ACTN2: variants seen among roughly 807,000 people sequenced by gnomAD.
ACTN2 encodes the protein alpha-actinin-2.
Under a neutral mutation model 113.8 loss-of-function variants are expected in ACTN2, and 39 were observed. The observed-to-expected ratio is 0.34, with a 90% CI of 0.27 to 0.45. The LOEUF (loss-of-function observed/expected upper bound fraction) is 0.45, where lower values mean the gene tolerates loss of function less well. Among genes scored for constraint, ACTN2 ranks in the 20% least tolerant of loss-of-function variants. The probability of loss-of-function intolerance (pLI) is 1.00; values close to 1 mark genes in which losing one functional copy is unlikely to be tolerated. For missense variants in ACTN2, 992 were observed against 1,177.9 expected, an observed-to-expected ratio of 0.84 and a Z score of 2.31; for synonymous variants, 429 against 444.1, an observed-to-expected ratio of 0.97 and a Z score of 0.43.
At chr1:236,693,950 T>C (rs540866632) in intron 1 of ACTN2, among the ~76,000 whole-genome samples, 1 of 152,306 alleles carries the variant, frequency 6.6e-6, no homozygotes, top group East Asian at 1.9e-4. Flanking sequence ...CCAGTATCCC[T>C]GCTGCAGGTT....
At chr1:236,706,830 G>T (rs1199627446) in intron 1 of ACTN2, among the ~76,000 whole-genome samples, 2 of 152,204 alleles carry the variant, frequency 1.3e-5, no homozygotes, top group East Asian at 1.9e-4. Flanking sequence ...ACAGGTACAA[G>T]CTCTGTGTGT....
chr1:236,691,581 G>A (rs1666083507), intron 1 of ACTN2, among the ~76,000 whole-genome samples: 1 of 151,878 alleles, frequency 6.6e-6, no homozygotes, highest in Non-Finnish European at 1.5e-5. Context: ...GGAGTTTGAG[G>A]TTGCCGTGAG....
At chr1:236,698,056 G>T (rs1399015398) in intron 1 of ACTN2, among the ~76,000 whole-genome samples, 1 of 150,948 alleles carries the variant, frequency 6.6e-6, no homozygotes, top group African/African-American at 2.4e-5. Context: ...TTACAGGCGT[G>T]AGCCACCGCA....
At chr1:236,742,043 G>A (rs138229723) in intron 10 of ACTN2, among the ~76,000 whole-genome samples, 11 of 152,080 alleles carry the variant, frequency 7.2e-5, no homozygotes, top group Admixed American at 3.3e-4. Context: ...AGGAGCCCTC[G>A]TTTCCTACTT....
In ACTN2 at chr1:236,743,114, C is replaced by G. The variant is rs944701807; in HGVS notation, c.1255+71C>G. ...AGCCATGCCCAGAGCCATGATGCAT[C>G]CTTACTAACTCTGTGCCTAATGTCT... is the stretch of plus-strand genomic sequence containing the variant. On this transcript the variant is annotated intron_variant, in intron 11 of 20. Transcript: ENST00000366578. The G allele has an allele frequency of 3.2e-6, 5 of 1,555,828 alleles. No homozygotes were observed. The African/African-American group carries it at 5.4e-5, about 17-fold the overall frequency.
chr1:236,715,978 A>G (rs893897084), intron 1 of ACTN2, among the ~76,000 whole-genome samples: 2 of 152,110 alleles, frequency 1.3e-5, no homozygotes, highest in African/African-American at 4.8e-5. Flanking sequence ...ATAAAAATAA[A>G]TAAAGTGGAT....
At chr1:236,737,873 C>T (rs1315308528) in intron 9 of ACTN2, among the ~76,000 whole-genome samples, 2 of 152,218 alleles carry the variant, frequency 1.3e-5, no homozygotes, top group African/African-American at 4.8e-5. Flanking sequence ...ATCCTCGCTG[C>T]ATCTGCACTG....
chr1:236,713,368 C>T (rs1178223311), intron 1 of ACTN2, among the ~76,000 whole-genome samples: 3 of 152,118 alleles, frequency 2.0e-5, no homozygotes, highest in Non-Finnish European at 4.4e-5. Context: ...GCTGGGATTA[C>T]AGGTGTGCAT....
At position 236,708,001 on chromosome 1, in the gene ACTN2, G is replaced by A. The variant is rs1028375303; in HGVS notation, c.127-9857G>A. ...GCTGGGATTACAGGTGTGAGCCACC[G>A]CACTTGGCCATCATAATGCATTTCT... On this transcript the variant is annotated intron_variant, in intron 1 of 20. Transcript: ENST00000366578. 2.0e-5 allele frequency among the ~76,000 whole-genome samples: 3 copies of A among 151,894 alleles called. No homozygotes were observed. The South Asian group carries it at 6.2e-4, about 32-fold the overall frequency.
Position 236,749,250 on chromosome 1 carries a change from A to T in ACTN2, c.1642A>T (p.Ile548Phe). ...DLQDMFIVHS[I>F]EEIQSLITAH... Reference sequence around the variant, plus strand: ...GCAAGATATGTTCATTGTCCACAGCATTGAGGAGATCCAGGTAATGGAACC... The same window carrying T: ...GCAAGATATGTTCATTGTCCACAGCTTTGAGGAGATCCAGGTAATGGAACC... The change falls in exon 14 of 21, where the codon ATT becomes TTT. Residue 548 changes from isoleucine to phenylalanine, a missense_variant. This residue lies in a region of ACTN2 where 736 missense variants were observed against 815.4 expected (regional missense o/e 0.90). Transcript: ENST00000366578. 6.2e-7 allele frequency: 1 copy of T among 1,614,176 alleles called. No individual in the cohort carries two copies. The highest frequency in any genetic ancestry group is 1.3e-5 in the African/African-American group (1 of 75,052).
chr1:236,742,842 T>C, intron 10 of ACTN2, 54 bp from the exon 11 acceptor site: 1 of 1,612,168 alleles, frequency 6.2e-7, no homozygotes, highest in Non-Finnish European at 8.5e-7. Context: ...GAGGCCAGAA[T>C]GTAACGAAGG....
rs78966891 is a variant in ACTN2 at position 236,755,444 on chromosome 1, C to A, written c.2154+246C>A. On this transcript the variant is annotated intron_variant, in intron 17 of 20. Transcript: ENST00000366578. The stretch of plus-strand genomic sequence containing the variant: ...TTATCACCACCATAAATTCACTACA[C>A]TTCTTCAAGGTGAGTGCCAGAAACT... Among the ~76,000 whole-genome samples the A allele has an allele frequency of 0.015, 2,304 of 152,302 alleles. 49 individuals are homozygous for A. The highest frequency in any genetic ancestry group is 0.053 in the African/African-American group (2,183 of 41,546).
In ACTN2 at chr1:236,759,809, TG is replaced by T. The variant is rs772237433; in HGVS notation, c.2367+21del. 34 of 1,602,804 alleles carry T rather than the reference TG, an allele frequency of 2.1e-5. 1 individual carries two copies. In the Admixed American group the frequency reaches 5.7e-4, roughly 27 times the overall value. On this transcript the variant is annotated intron_variant, in intron 19 of 20. Coordinates refer to ENST00000366578, the MANE Select transcript of ACTN2 (RefSeq NM_001103.4). ...GACCTGGTAAGACAGAAGTTGAAAT[TG>T]TACTAAGATTTGATATTTTATTGAA...
At chr1:236,719,086 C>A in intron 3 of ACTN2, 73 bp downstream of exon 3, 1 of 1,599,068 alleles carries the variant, frequency 6.3e-7, no homozygotes, top group Non-Finnish European at 8.5e-7. Context: ...GACTTGAATT[C>A]TCCCCTTCTT....
At chr1:236,715,182 G>C (rs1469702241) in intron 1 of ACTN2, among the ~76,000 whole-genome samples, 1 of 150,480 alleles carries the variant, frequency 6.6e-6, no homozygotes, top group African/African-American at 2.5e-5. Context: ...TCTACTTTAA[G>C]GTTTAGGGTA....
intron 11 of ACTN2, 139 bp downstream of exon 11, chr1:236,743,182 C>T: frequency 4.8e-6 from 5 of 1,048,332 alleles, no homozygotes; most frequent in Non-Finnish European, 7.1e-6. Flanking sequence ...CTGCTCTTGT[C>T]TCAGTGCCAA....
chr1:236,762,012 T>C (rs2102953010), intron 20 of ACTN2, among the ~76,000 whole-genome samples: 1 of 152,358 alleles, frequency 6.6e-6, no homozygotes, highest in East Asian at 1.9e-4. Flanking sequence ...ACTTCTACTA[T>C]AAATTATATA....
In ACTN2 at chr1:236,687,130, G is replaced by C. The variant is rs644401; in HGVS notation, c.126+331G>C. 0.12 allele frequency among the ~76,000 whole-genome samples: 18,672 copies of C among 151,984 alleles called. 1,247 individuals carry two copies. The highest frequency in any genetic ancestry group is 0.2 in the Middle Eastern group (58 of 294). On this transcript the variant is annotated intron_variant, in intron 1 of 20. Transcript: ENST00000366578. ...TTGAGTCTGTGACCTTGGCCCCCGA[G>C]TTATACTCTCCTGGCCCGCTTGTGT...
At chr1:236,708,808 C>T (rs1657911377) in intron 1 of ACTN2, among the ~76,000 whole-genome samples, 1 of 152,178 alleles carries the variant, frequency 6.6e-6, no homozygotes, top group South Asian at 2.1e-4. Flanking sequence ...CACCTACTCT[C>T]TATGAGGGCA....
Sources: allele counts gnomAD v4.1 joint callset (sites outside exome capture counted in the v4.1 genomes callset), GRCh38; gene constraint gnomAD v4.1.1; regional missense constraint gnomAD v4.1.1; transcripts MANE v1.5; gene names NCBI Gene and HGNC (gene_info 2026-07-23, HGNC 2026-07-21).